The following TMEM108 variants were observed in gnomAD, a reference collection of about 807,000 sequenced individuals.
TMEM108 encodes cancer/testis antigen 124.
A neutral mutation model predicts 35.1 loss-of-function variants in TMEM108; 12 were observed. That is an observed-to-expected ratio of 0.34 (90% CI 0.22 to 0.55). The LOEUF is 0.55. TMEM108 is among the 20% of genes least tolerant of loss of function. TMEM108 has a pLI of 0.89. For missense variants in TMEM108, 680 were observed against 753.3 expected (o/e 0.90, Z 1.14); for synonymous variants, 287 against 308.6 (o/e 0.93, Z 0.73).
chr3:133,123,552 T>G (rs1944379412), intron 2 of TMEM108, among the ~76,000 whole-genome samples: 1 of 152,230 alleles, frequency 6.6e-6, no homozygotes, highest in African/African-American at 2.4e-5. Context: ...AGTATCTTAT[T>G]TTGACATTCT....
intron 3 of TMEM108, among the ~76,000 whole-genome samples, chr3:133,355,819 A>G (rs1310210159): frequency 6.6e-6 from 1 of 152,228 alleles, no homozygotes; most frequent in Non-Finnish European, 1.5e-5. Flanking sequence ...TCTTTCAATA[A>G]GGATAGAATA....
intron 3 of TMEM108, among the ~76,000 whole-genome samples, chr3:133,373,215 G>A (rs547208754): frequency 7.9e-5 from 12 of 152,188 alleles, no homozygotes; most frequent in African/African-American, 2.6e-4. Flanking sequence ...TGGGCACAGT[G>A]GCGTGTGCCT....
chr3:133,177,767 C>G (rs1945259947), intron 2 of TMEM108, among the ~76,000 whole-genome samples: 1 of 152,222 alleles, frequency 6.6e-6, no homozygotes, highest in Non-Finnish European at 1.5e-5. Context: ...TAGGGATGCC[C>G]TCTCTCACCA....
At chr3:133,230,010 A>G (rs372790588) in intron 3 of TMEM108, among the ~76,000 whole-genome samples, 31 of 152,346 alleles carry the variant, frequency 2.0e-4, no homozygotes, top group African/African-American at 7.0e-4. Context: ...TTGCTACTGA[A>G]TGAATGTAAA....
intron 2 of TMEM108, among the ~76,000 whole-genome samples, chr3:133,075,166 C>T (rs1440300391): frequency 2.0e-5 from 3 of 152,184 alleles, no homozygotes; most frequent in African/African-American, 7.2e-5. Flanking sequence ...CCCTCAAGCT[C>T]CCCTTCCCCA....
At chr3:133,194,296 A>T (rs1945545132) in intron 2 of TMEM108, among the ~76,000 whole-genome samples, 1 of 152,058 alleles carries the variant, frequency 6.6e-6, no homozygotes, top group South Asian at 2.1e-4. Context: ...TTTTCCCCAC[A>T]AATTAGTAAT....
chr3:133,148,941 G>A (rs1056902609), intron 2 of TMEM108, among the ~76,000 whole-genome samples: 1 of 152,204 alleles, frequency 6.6e-6, no homozygotes, highest in African/African-American at 2.4e-5. Flanking sequence ...AGGCTGCAGT[G>A]AGCCAAAATT....
At chr3:133,174,747 G>A (rs1018936526) in intron 2 of TMEM108, among the ~76,000 whole-genome samples, 1 of 152,146 alleles carries the variant, frequency 6.6e-6, no homozygotes, top group Non-Finnish European at 1.5e-5. Context: ...CAGAAAAACT[G>A]GAAACTCTGA....
At chr3:133,203,462 C>T (rs750579821) in intron 2 of TMEM108, among the ~76,000 whole-genome samples, 4 of 152,030 alleles carry the variant, frequency 2.6e-5, no homozygotes, top group African/African-American at 9.7e-5. Context: ...TTTTGAGATA[C>T]GTTCCATTAA....
At chr3:133,327,521 G>C (rs2071346005) in intron 3 of TMEM108, among the ~76,000 whole-genome samples, 1 of 152,132 alleles carries the variant, frequency 6.6e-6, no homozygotes, top group African/African-American at 2.4e-5. Context: ...AGTGATAGGA[G>C]CCCCCCAGAA....
At chr3:133,375,726 G>A (rs766594580) in intron 3 of TMEM108, among the ~76,000 whole-genome samples, 1 of 152,186 alleles carries the variant, frequency 6.6e-6, no homozygotes. Flanking sequence ...GGTGGTATTT[G>A]GCTAGCACAA....
intron 3 of TMEM108, among the ~76,000 whole-genome samples, chr3:133,317,456 T>G (rs1358112348): frequency 5.3e-5 from 8 of 152,144 alleles, no homozygotes; most frequent in Non-Finnish European, 1.5e-5. Context: ...GAAATGAGAT[T>G]CTAAAAATTG....
At chr3:133,364,055 T>TA (rs2072434883) in intron 3 of TMEM108, among the ~76,000 whole-genome samples, 1 of 152,226 alleles carries the variant, frequency 6.6e-6, no homozygotes, top group South Asian at 2.1e-4. Flanking sequence ...ACAGACTCCT[T>TA]ACATGTTAAC....
intron 2 of TMEM108, among the ~76,000 whole-genome samples, chr3:133,123,530 A>G (rs1032545558): frequency 6.6e-5 from 10 of 152,228 alleles, no homozygotes; most frequent in South Asian, 2.1e-4. Flanking sequence ...TGTAAATACA[A>G]TAAGTGAAAA....
At chr3:133,273,064 G>C (rs192297409) in intron 3 of TMEM108, among the ~76,000 whole-genome samples, 17 of 152,260 alleles carry the variant, frequency 1.1e-4, no homozygotes, top group Admixed American at 4.6e-4. Context: ...TGTACATTTA[G>C]GGGTGGGTCA....
chr3:133,221,024 AG>A (rs1178138995), intron 2 of TMEM108, among the ~76,000 whole-genome samples: 2 of 152,238 alleles, frequency 1.3e-5, no homozygotes, highest in African/African-American at 4.8e-5. Context: ...TCCCAAGCAT[AG>A]GAGCTTCTGT....
In TMEM108 at chr3:133,255,267, A is replaced by G. The variant is rs192520495; in HGVS notation, c.40+25916A>G. Among the ~76,000 whole-genome samples the G allele has an allele frequency of 1.7e-3, 265 of 152,340 alleles. 2 individuals carry two copies. The highest frequency in any genetic ancestry group is 6.2e-3 in the African/African-American group (256 of 41,588). On this transcript the variant is annotated intron_variant, in intron 3 of 5. Transcript: ENST00000321871. ...CATTTTAGAGACAGTCTGTTACACT[A>G]TATAAAAATACTGAAACAAAAGATG...
At position 133,118,601 on chromosome 3, in the gene TMEM108, A is replaced by G. The variant is rs368522536; in HGVS notation, c.-47+72581A>G. The stretch of plus-strand genomic sequence containing the variant: ...TTAGTACAGGTGATTTGCCTTGGGT[A>G]TTGTTACCAGATTGTGTTTTTGCCC... On this transcript the variant is annotated intron_variant, in intron 2 of 5. Transcript: ENST00000321871. 3.0e-4 allele frequency among the ~76,000 whole-genome samples: 46 copies of G among 152,272 alleles called. 1 individual carries two copies. Among genetic ancestry groups the G allele is most frequent in the African/African-American group, 1.0e-3 (43 of 41,552 alleles).
chr3:133,199,720 C>A (rs1464939092), intron 2 of TMEM108, among the ~76,000 whole-genome samples: 2 of 151,826 alleles, frequency 1.3e-5, no homozygotes, highest in Non-Finnish European at 3.0e-5. Context: ...TCCCAGTACC[C>A]CACTTGAGGA....
Sources: gnomAD v4.1 joint callset for allele counts (sites outside exome capture counted in the v4.1 genomes callset) on GRCh38, gnomAD v4.1.1 for gene constraint, MANE v1.5 for transcripts, NCBI Gene and HGNC (gene_info 2026-07-23, HGNC 2026-07-21) for gene names.